MRC2: variants seen among roughly 807,000 people sequenced by gnomAD.
MRC2 encodes the protein C-type mannose receptor 2.
In MRC2, 84 loss-of-function variants were observed where a neutral mutation model predicts 206.2. That is an observed-to-expected ratio of 0.41 (90% CI 0.34 to 0.49). The LOEUF (loss-of-function observed/expected upper bound fraction) is 0.49. Ranked by LOEUF, MRC2 falls within the 20% of genes least tolerant of loss-of-function variation. The probability of loss-of-function intolerance (pLI) is 0.31; values close to 1 mark genes in which losing one functional copy is unlikely to be tolerated. For synonymous variants in MRC2, 798 were observed against 800.0 expected (o/e 1.00, Z 0.04); for missense variants, 1,676 against 2,001.5 (o/e 0.84, Z 3.10).
chr17:62,641,956 A>C (rs2088410501), intron 1 of MRC2, among the ~76,000 whole-genome samples: 2 of 152,162 alleles, frequency 1.3e-5, no homozygotes, highest in Non-Finnish European at 2.9e-5. Context: ...AGTTAGTTAT[A>C]GACATGACAT....
Position 62,667,493 on chromosome 17 carries a change from C to T in MRC2, c.1077C>T (p.Cys359=). 6.2e-7 allele frequency: 1 copy of T among 1,612,152 alleles called. No individual in the cohort carries two copies. The highest frequency in any genetic ancestry group is 8.5e-7 in the Non-Finnish European group (1 of 1,179,570). The change falls in exon 6 of 30, where the codon TGC becomes TGT. Residue 359 remains cysteine, a synonymous_variant. Transcript: ENST00000303375. The surrounding 1 kb of genome is among the most constrained non-coding windows in gnomAD (Gnocchi z 4.1). The part of the protein sequence containing the change: ...RDCSIALPYV[C]KKKPNATAEP... Reference sequence around the variant, plus strand: ...GCAGCATCGCGCTGCCCTATGTGTGCAAGAAGAAGCCCAACGCCACGGCCG... The same window carrying T: ...GCAGCATCGCGCTGCCCTATGTGTGTAAGAAGAAGCCCAACGCCACGGCCG...
Position 62,666,218 on chromosome 17 carries a change from C to G in MRC2, c.645C>G (p.Thr215=). Residue 215 remains threonine (T), a synonymous_variant, in exon 3 of 30, where the codon ACC becomes ACG. Transcript: ENST00000303375. This position sits in a 1 kb window ranked among gnomAD's most constrained non-coding sequence, Gnocchi z 5.0. ...GREDGHLWCA[T]TQDYGKDERW... is the part of the protein sequence containing the mutation. The stretch of plus-strand genomic sequence containing the variant: ...AGGATGGTCACCTGTGGTGTGCCAC[C>G]ACCCAGGACTACGGCAAAGACGAGC... The G allele has an allele frequency of 6.2e-7, 1 of 1,603,164 alleles. No individual in the cohort carries two copies. Among genetic ancestry groups the G allele is most frequent in the Non-Finnish European group, 8.5e-7 (1 of 1,175,220 alleles).
Position 62,677,392 on chromosome 17 carries a change from C to T in MRC2, c.1958C>T (p.Thr653Met), listed in dbSNP as rs745556889. The T allele has an allele frequency of 8.6e-5, 138 of 1,610,664 alleles. No individual in the cohort carries two copies. The Middle Eastern group carries it at 1.8e-3, about 21-fold the overall frequency. ...CGGCAGAGCCTGGGCACTCCAGTGACGCCGGAGCTGCCGGGGCCAGATCCC... is the reference window on the plus strand; with the variant it reads ...CGGCAGAGCCTGGGCACTCCAGTGATGCCGGAGCTGCCGGGGCCAGATCCC... Reference protein sequence around the residue: ...ICRQSLGTPVTPELPGPDPTP... With the variant: ...ICRQSLGTPVMPELPGPDPTP... The change falls in exon 12 of 30, where the codon ACG (threonine) becomes ATG (methionine). Residue 653 changes from threonine (T) to methionine (M), a missense_variant. By Grantham distance (81) the Thr-to-Met change is moderately conservative. Around this residue, in one of 3 missense-constraint regions of MRC2, gnomAD observed 1,354 missense variants for 1,636.6 expected, o/e 0.83. Transcript: ENST00000303375.
intron 12 of MRC2, 22 bp from the exon 13 acceptor site, chr17:62,678,482 C>T (rs1199038366): frequency 6.2e-7 from 1 of 1,610,618 alleles, no homozygotes; most frequent in Non-Finnish European, 8.5e-7. Context: ...ACAGCTTAGA[C>T]AGCTGGACTC....
Position 62,635,788 on chromosome 17 carries a change from A to AT in MRC2, c.118+7883dup, listed in dbSNP as rs766181711. On this transcript the variant is annotated intron_variant, in intron 1 of 29. Coordinates refer to ENST00000303375, the MANE Select transcript of MRC2 (RefSeq NM_006039.5). ...AACATAACAAGACCCTGTGTCTAGA[A>AT]TTTTTTTTTTTTTTTCTGAGACGGA... 6.9e-3 allele frequency among the ~76,000 whole-genome samples: 981 copies of AT among 143,050 alleles called. 5 individuals carry two copies. Among genetic ancestry groups the AT allele is most frequent in the African/African-American group, 0.016 (620 of 39,304 alleles). The allele number at this position is 143,050 out of a possible 152,430, so 93.8% of individuals were successfully genotyped here.
Position 62,666,358 on chromosome 17 carries a change from C to T in MRC2, c.694+91C>T. ...CCCGGGGCCCAGGGTGAGATACTGCCCCCTCCCCTACCTAGTGTAGCCTTT... is the reference window on the plus strand; with the variant it reads ...CCCGGGGCCCAGGGTGAGATACTGCTCCCTCCCCTACCTAGTGTAGCCTTT... On this transcript the variant is annotated intron_variant, in intron 3 of 29. Transcript: ENST00000303375. The surrounding 1 kb of genome is among the most constrained non-coding windows in gnomAD (Gnocchi z 5.0). 1 of 1,585,710 alleles carries T rather than the reference C, an allele frequency of 6.3e-7. No individual in the cohort carries two copies. Among genetic ancestry groups the T allele is most frequent in the South Asian group, 1.2e-5 (1 of 86,474 alleles).
rs2089105017 is a variant in MRC2, at chr17:62,691,068, C to G, written c.4132C>G (p.Leu1378Val). The G allele has an allele frequency of 3.7e-6, 6 of 1,610,040 alleles. No homozygotes were observed. In the East Asian group the frequency reaches 1.1e-4, roughly 30 times the overall value. The change falls in exon 28 of 30, where the codon CTA (leucine) becomes GTA (valine). Residue 1378 changes from leucine to valine, a missense_variant. Coordinates refer to ENST00000303375, the MANE Select transcript of MRC2 (RefSeq NM_006039.5). ...CTACTGGATTCAGAGCAACAGCGGG[C>G]TATGGCGCCCCGGCGCTTGCACCAA... ...SCYWIQSNSG[L>V]WRPGACTNIT...
chr17:62,689,717 G>A lies in MRC2; in HGVS notation c.3530G>A (p.Arg1177Gln), dbSNP rs143651722. ...CAGGCCTTCCTCACGCAGGCTGCCC[G>A]AGGGCTGCGCACGCCGCTCTGGATT... ...YTQAFLTQAA[R>Q]GLRTPLWIGL... is the part of the protein sequence containing the mutation. Residue 1177 changes from arginine (R) to glutamine (Q), a missense_variant, in exon 24 of 30, where the codon CGA becomes CAA. By Grantham distance (43) the Arg-to-Gln change is conservative. This residue lies in a region of MRC2 where 1,354 missense variants were observed against 1,636.6 expected (regional missense o/e 0.83). Coordinates refer to ENST00000303375, the MANE Select transcript of MRC2 (RefSeq NM_006039.5). 1.0e-4 allele frequency: 162 copies of A among 1,567,558 alleles called. No individual in the cohort carries two copies. Among genetic ancestry groups the A allele is most frequent in the Non-Finnish European group, 1.3e-4 (150 of 1,157,826 alleles).
In MRC2 at chr17:62,641,895, C is replaced by CTCTG. The variant is rs56350809; in HGVS notation, c.118+13976_118+13977insCTGT. On this transcript the variant is annotated intron_variant, in intron 1 of 29. Coordinates refer to ENST00000303375, the MANE Select transcript of MRC2 (RefSeq NM_006039.5). Reference sequence around the variant, plus strand: ...TTGCCACATTTGCTTATCTCACTCTCTGTGTGTGTGTGTGTGTGTGTGTGG... The same window carrying CTCTG: ...TTGCCACATTTGCTTATCTCACTCTCTCTGTGTGTGTGTGTGTGTGTGTGTGTGG... Among the ~76,000 whole-genome samples, 1,464 of 150,058 alleles carry CTCTG rather than the reference C, an allele frequency of 9.8e-3. 19 individuals carry two copies. Among genetic ancestry groups the CTCTG allele is most frequent in the African/African-American group, 0.031 (1,264 of 40,904 alleles).
intron 1 of MRC2, among the ~76,000 whole-genome samples, chr17:62,661,099 GAT>G (rs2088673883): frequency 6.6e-6 from 1 of 152,180 alleles, no homozygotes; most frequent in African/African-American, 2.4e-5. Context: ...TAGGCCCAGA[GAT>G]AGGAAACAGC....
In MRC2 at chr17:62,676,501, A is replaced by G. The variant is rs2088893867; in HGVS notation, c.1804A>G (p.Met602Val). Residue 602 changes from methionine to valine, a missense_variant, in exon 11 of 30, where the codon ATG (methionine) becomes GTG (valine). Physicochemically the swap from Met to Val is conservative, Grantham distance 21. Transcript: ENST00000303375. ...CTTCTGGCTCAGTGGGGATGAAGTC[A>G]TGTACACCCACTGGAACCGGGACCA... ...SFFWLSGDEV[M>V]YTHWNRDQPG... The G allele has an allele frequency of 6.2e-7, 1 of 1,606,554 alleles. No individual in the cohort carries two copies. Among genetic ancestry groups the G allele is most frequent in the Non-Finnish European group, 8.5e-7 (1 of 1,176,440 alleles).
At chr17:62,679,478 C>T (rs1249819138) in intron 13 of MRC2, 1 of 198,110 alleles carries the variant, frequency 5.0e-6, no homozygotes, top group East Asian at 1.2e-4. Flanking sequence ...CTCATCTGAA[C>T]TTCCTAAACT....
At chr17:62,655,177 T>A (rs1236064709) in intron 1 of MRC2, among the ~76,000 whole-genome samples, 3 of 149,910 alleles carry the variant, frequency 2.0e-5, no homozygotes, top group Non-Finnish European at 4.4e-5. Flanking sequence ...TCCCAGCTAC[T>A]CGGGAGGCTG....
Position 62,688,278 on chromosome 17 carries a change from C to T in MRC2, c.2947-11C>T. The T allele has an allele frequency of 6.2e-7, 1 of 1,612,906 alleles. No homozygotes were observed. The highest frequency in any genetic ancestry group is 8.5e-7 in the Non-Finnish European group (1 of 1,179,196). On this transcript the variant is annotated splice_polypyrimidine_tract_variant and intron_variant, in intron 20 of 29. Transcript: ENST00000303375. ...GGGGCTGGCCATTACATCCCCACCT[C>T]TGCCCCACAGTGTTTTCAGGTCCAG... is the stretch of plus-strand genomic sequence containing the variant.
intron 13 of MRC2, 114 bp from the exon 14 acceptor site, chr17:62,679,686 C>T: frequency 2.2e-6 from 2 of 899,760 alleles, no homozygotes; most frequent in Non-Finnish European, 3.4e-6. Flanking sequence ...GATGGAGAGG[C>T]CCCAGGCCCT....
At chr17:62,631,131 G>T (rs2084212420) in intron 1 of MRC2, among the ~76,000 whole-genome samples, 1 of 152,182 alleles carries the variant, frequency 6.6e-6, no homozygotes, top group African/African-American at 2.4e-5. Flanking sequence ...TCAATGAGAT[G>T]ATTTCGGAAG....
intron 18 of MRC2, 36 bp downstream of exon 18, chr17:62,681,165 G>C: frequency 6.2e-7 from 1 of 1,606,308 alleles, no homozygotes; most frequent in Non-Finnish European, 8.5e-7. Context: ...GTGGAAGGGG[G>C]CTGGCTGTCC....
intron 1 of MRC2, among the ~76,000 whole-genome samples, chr17:62,642,615 T>G (rs112495681): frequency 6.6e-6 from 1 of 152,094 alleles, no homozygotes; most frequent in African/African-American, 2.4e-5. Flanking sequence ...CCCGGCTAAT[T>G]TTTGTATTTT....
Position 62,688,329 on chromosome 17 carries a change from A to G in MRC2, c.2987A>G (p.Lys996Arg). 6.2e-7 allele frequency: 1 copy of G among 1,614,198 alleles called. No individual in the cohort carries two copies. Residue 996 changes from lysine to arginine, a missense_variant, in exon 21 of 30, where the codon AAG becomes AGG. Lys to Arg is a conservative substitution (Grantham distance 26). Around this residue, in one of 3 missense-constraint regions of MRC2, gnomAD observed 1,354 missense variants for 1,636.6 expected, o/e 0.83. Transcript: ENST00000303375. ...VQGQEPQSRV[K>R]WSEAQFSCEQ... ...GGCCAGGAACCCCAGAGCCGGGTGA[A>G]GTGGTCAGAGGCACAGTTCTCCTGT... is the stretch of plus-strand genomic sequence containing the variant.
Sources: gnomAD v4.1 joint callset for allele counts (sites outside exome capture counted in the v4.1 genomes callset) on GRCh38, gnomAD v4.1.1 for gene constraint, gnomAD v4.1.1 regional missense constraint, Gnocchi (gnomAD v3.1) non-coding constraint, MANE v1.5 for transcripts, NCBI Gene and HGNC (gene_info 2026-07-23, HGNC 2026-07-21) for gene names.